RBFOX1: variants seen among roughly 807,000 people sequenced by gnomAD.
RBFOX1 encodes the protein RNA binding protein fox-1 homolog 1.
Under a neutral mutation model 57.7 loss-of-function variants are expected in RBFOX1, and 8 were observed. That is an observed-to-expected ratio of 0.14 (90% CI 0.08 to 0.25). The LOEUF (loss-of-function observed/expected upper bound fraction) is 0.25, where lower values mean the gene tolerates loss of function less well. Ranked by LOEUF, RBFOX1 falls within the 10% of genes least tolerant of loss-of-function variation. RBFOX1 has a pLI of 1.00. For missense variants in RBFOX1, 611 were observed against 548.5 expected, an observed-to-expected ratio of 1.11 and a Z score of -1.14; for synonymous variants, 326 against 222.4, an observed-to-expected ratio of 1.47 and a Z score of -4.15.
intron 1 of RBFOX1, among the ~76,000 whole-genome samples, chr16:6,069,270 T>C (rs1369199203): frequency 6.6e-6 from 1 of 151,860 alleles, no homozygotes; most frequent in East Asian, 1.9e-4. Flanking sequence ...TAGGGGCACA[T>C]ACCTGTAATT....
At chr16:5,728,094 C>T (rs949557804) in intron 3 of RBFOX1, among the ~76,000 whole-genome samples, 4 of 152,140 alleles carry the variant, frequency 2.6e-5, no homozygotes, top group African/African-American at 9.7e-5. Flanking sequence ...TCCAGCAATC[C>T]CACTTACGAG....
At chr16:5,291,294 ACT>A (rs1410850541) in intron 1 of RBFOX1, among the ~76,000 whole-genome samples, 1 of 122,234 alleles carries the variant, frequency 8.2e-6, no homozygotes, top group Non-Finnish European at 1.6e-5. Flanking sequence ...ACGGAGTCTC[ACT>A]CTGTCACCCA....
intron 5 of RBFOX1, among the ~76,000 whole-genome samples, chr16:7,568,870 G>A (rs1353491642): frequency 1.9e-5 from 2 of 106,726 alleles, no homozygotes; most frequent in Non-Finnish European, 3.5e-5. Context: ...CTGGGTGATA[G>A]AGACTCTGTC....
chr16:7,197,998 C>CTTTTTTTCTT (rs2087204164), intron 4 of RBFOX1, among the ~76,000 whole-genome samples: 1 of 55,592 alleles, frequency 1.8e-5, no homozygotes. Flanking sequence ...TTCTTTCTTT[C>CTTTTTTTCTT]TTTTTTTTTT....
intron 3 of RBFOX1, among the ~76,000 whole-genome samples, chr16:5,816,757 C>T (rs999484682): frequency 1.3e-5 from 2 of 152,098 alleles, no homozygotes; most frequent in Non-Finnish European, 2.9e-5. Context: ...GTACTCTAGC[C>T]TGGGTAACAG....
chr16:6,602,764 C>A (rs565381252), intron 2 of RBFOX1, among the ~76,000 whole-genome samples: 22 of 152,262 alleles, frequency 1.4e-4, no homozygotes, highest in African/African-American at 4.8e-4. Context: ...CCCTTCTGTG[C>A]ATTCCTCTTG....
intron 1 of RBFOX1, among the ~76,000 whole-genome samples, chr16:5,289,005 G>T (rs1345635745): frequency 1.3e-5 from 2 of 152,092 alleles, no homozygotes; most frequent in African/African-American, 4.8e-5. Context: ...CACGCCTGTA[G>T]TCCCACCTAC....
At chr16:6,841,772 G>A (rs949153085) in intron 3 of RBFOX1, among the ~76,000 whole-genome samples, 2 of 152,092 alleles carry the variant, frequency 1.3e-5, no homozygotes, top group Non-Finnish European at 2.9e-5. Flanking sequence ...TGCAGCTTAA[G>A]GGTTCCATTC....
At chr16:7,056,991 G>C (rs1046742789) in intron 4 of RBFOX1, among the ~76,000 whole-genome samples, 3 of 150,940 alleles carry the variant, frequency 2.0e-5, no homozygotes, top group African/African-American at 7.3e-5. Context: ...CTTTCTCATA[G>C]GATTGGTGAC....
intron 14 of RBFOX1, 82 bp downstream of exon 14, chr16:7,676,920 G>C (rs1226734295): frequency 2.9e-6 from 4 of 1,385,822 alleles, no homozygotes; most frequent in East Asian, 4.7e-5. Flanking sequence ...TATGGTCTTG[G>C]TGAAACTGCA....
intron 3 of RBFOX1, among the ~76,000 whole-genome samples, chr16:6,783,167 C>G (rs573819658): frequency 6.7e-6 from 1 of 149,238 alleles, no homozygotes; most frequent in South Asian, 2.1e-4. Context: ...ATAGTTGGGT[C>G]TTTTTAAAAA....
chr16:7,381,456 A>C (rs74012509), intron 4 of RBFOX1, among the ~76,000 whole-genome samples: 2,451 of 152,158 alleles, frequency 0.016, 76 homozygotes, highest in African/African-American at 0.056. Context: ...ATGATCTGTT[A>C]GTAAAATATA....
At chr16:5,387,403 A>G (rs1419685056) in intron 1 of RBFOX1, among the ~76,000 whole-genome samples, 1 of 152,232 alleles carries the variant, frequency 6.6e-6, no homozygotes, top group Non-Finnish European at 1.5e-5. Context: ...CTGTAAAGTC[A>G]TCACAGACCT....
At chr16:6,531,872 T>C (rs1164238504) in intron 2 of RBFOX1, among the ~76,000 whole-genome samples, 5 of 152,202 alleles carry the variant, frequency 3.3e-5, no homozygotes, top group Non-Finnish European at 5.9e-5. Flanking sequence ...TTAGGGCTCA[T>C]TGGTTGCAAG....
At chr16:6,278,377 CAAAAAAAAAAAAAAAAAAAAAAA>C (rs57523660) in intron 1 of RBFOX1, among the ~76,000 whole-genome samples, 1 of 28,042 alleles carries the variant, frequency 3.6e-5, no homozygotes, top group Non-Finnish European at 6.1e-5. Context: ...TAGGACTCAC[CAAAAAAAAAAAAAAAAAAAAAAA>C]AAAAAAAAAA....
intron 3 of RBFOX1, among the ~76,000 whole-genome samples, chr16:6,992,115 C>T (rs1335895237): frequency 1.3e-5 from 2 of 152,042 alleles, no homozygotes; most frequent in African/African-American, 2.4e-5. Flanking sequence ...GTGTAGCTGT[C>T]TCTTCCTTTC....
chr16:5,608,587 A>G (rs1197573393), intron 3 of RBFOX1, among the ~76,000 whole-genome samples: 1 of 152,252 alleles, frequency 6.6e-6, no homozygotes, highest in Non-Finnish European at 1.5e-5. Context: ...ACGAGTTAAT[A>G]TAGGTAAAGC....
At chr16:6,330,138 T>C (rs937035904) in intron 2 of RBFOX1, among the ~76,000 whole-genome samples, 7 of 152,164 alleles carry the variant, frequency 4.6e-5, no homozygotes, top group Admixed American at 2.0e-4. Flanking sequence ...TATCTGTAGT[T>C]TAATACTTAG....
intron 3 of RBFOX1, among the ~76,000 whole-genome samples, chr16:6,996,731 C>G (rs943667887): frequency 6.6e-6 from 1 of 152,120 alleles, no homozygotes; most frequent in Non-Finnish European, 1.5e-5. Flanking sequence ...ACAAATAATG[C>G]TTTGCAATTT....
Sources: gnomAD v4.1 joint callset for allele counts (sites outside exome capture counted in the v4.1 genomes callset) on GRCh38, gnomAD v4.1.1 for gene constraint, MANE v1.5 for transcripts, NCBI Gene and HGNC (gene_info 2026-07-23, HGNC 2026-07-21) for gene names.